The following SCPEP1 variants were observed in gnomAD, a reference collection of about 807,000 sequenced individuals.
The protein encoded by SCPEP1 is serine carboxypeptidase 1, also known as retinoid-inducible serine carboxypeptidase.
SCPEP1 carries 51 observed loss-of-function variants against 63.8 expected under a neutral mutation model. The ratio of observed to expected loss-of-function variants is 0.80; its 90% confidence interval spans 0.64 to 1.01. SCPEP1 has a LOEUF of 1.01. Among genes scored for constraint, SCPEP1 ranks in the 50% least tolerant of loss-of-function variants. The pLI is 0.00. For missense variants in SCPEP1, 499 were observed against 554.9 expected (o/e 0.90, Z 1.01); for synonymous variants, 204 against 207.8 (o/e 0.98, Z 0.16).
intron 3 of SCPEP1, among the ~76,000 whole-genome samples, chr17:56,985,893 C>T (rs1911201772): frequency 6.6e-6 from 1 of 152,060 alleles, no homozygotes; most frequent in African/African-American, 2.4e-5. Flanking sequence ...GCCCTTCTCA[C>T]ACCTCCCCCT....
intron 1 of SCPEP1, among the ~76,000 whole-genome samples, chr17:56,979,515 G>T (rs1911008693): frequency 1.3e-5 from 2 of 151,418 alleles, no homozygotes; most frequent in Non-Finnish European, 1.5e-5. Flanking sequence ...AAAAAAAGAT[G>T]CTATAACTTG....
At chr17:57,004,916 A>G (rs1020157150) in intron 12 of SCPEP1, among the ~76,000 whole-genome samples, 1 of 152,254 alleles carries the variant, frequency 6.6e-6, no homozygotes, top group Non-Finnish European at 1.5e-5. Context: ...AAGAAATACA[A>G]CATACCATTA....
chr17:56,995,364 T>C (rs1473288810), intron 7 of SCPEP1, 143 bp from the exon 8 acceptor site: 7 of 818,788 alleles, frequency 8.5e-6, no homozygotes, highest in Non-Finnish European at 1.2e-5. Context: ...CCAATAAACA[T>C]GTGGCTTGTA....
chr17:56,992,792 G>T (rs779151146), intron 6 of SCPEP1, among the ~76,000 whole-genome samples: 4 of 152,136 alleles, frequency 2.6e-5, no homozygotes, highest in Non-Finnish European at 4.4e-5. Context: ...CAGGCAGCAG[G>T]TACTGGAATC....
At chr17:56,996,718 C>T (rs1231011717) in intron 8 of SCPEP1, among the ~76,000 whole-genome samples, 1 of 151,292 alleles carries the variant, frequency 6.6e-6, no homozygotes, top group Non-Finnish European at 1.5e-5. Flanking sequence ...GGGGTTTCAC[C>T]ATGTTGACCA....
intron 5 of SCPEP1, among the ~76,000 whole-genome samples, chr17:56,990,290 T>C (rs1016147461): frequency 1.3e-5 from 2 of 152,222 alleles, no homozygotes; most frequent in African/African-American, 4.8e-5. Context: ...TAAAAGACTT[T>C]CACATTTCCT....
chr17:57,004,226 A>G (rs528316608), intron 12 of SCPEP1, among the ~76,000 whole-genome samples: 13 of 152,208 alleles, frequency 8.5e-5, no homozygotes, highest in Non-Finnish European at 1.8e-4. Context: ...ACTCTGTCTC[A>G]AAAAAGAACA....
chr17:57,001,971 C>T (rs1430666219), intron 11 of SCPEP1, 47 bp from the exon 12 acceptor site: 7 of 1,574,536 alleles, frequency 4.4e-6, no homozygotes, highest in African/African-American at 2.8e-5. Context: ...TTTTCCTATT[C>T]TATCCAGCTG....
chr17:57,004,096 G>A (rs937016214), intron 12 of SCPEP1, among the ~76,000 whole-genome samples: 2 of 152,194 alleles, frequency 1.3e-5, no homozygotes, highest in East Asian at 3.8e-4. Context: ...CTACTCAGGA[G>A]GCTGAGGCAG....
intron 3 of SCPEP1, among the ~76,000 whole-genome samples, chr17:56,985,717 A>C (rs1911195423): frequency 6.6e-6 from 1 of 152,038 alleles, no homozygotes; most frequent in Non-Finnish European, 1.5e-5. Flanking sequence ...AGCTGCCTTC[A>C]AAAACCTACT....
intron 5 of SCPEP1, among the ~76,000 whole-genome samples, chr17:56,989,913 C>CT (rs1313735891): frequency 2.6e-5 from 4 of 151,732 alleles, no homozygotes; most frequent in Admixed American, 6.6e-5. Flanking sequence ...CGCCTCTAGT[C>CT]TGGGTGACAG....
intron 2 of SCPEP1, 155 bp from the exon 3 acceptor site, chr17:56,985,223 A>G: frequency 1.6e-6 from 1 of 636,822 alleles, no homozygotes; most frequent in South Asian, 1.9e-5. Context: ...AGCTTTGCTA[A>G]TGTGGAAGTC....
At chr17:56,986,739 A>C (rs886681627) in intron 3 of SCPEP1, among the ~76,000 whole-genome samples, 1 of 146,292 alleles carries the variant, frequency 6.8e-6, no homozygotes, top group Admixed American at 6.9e-5. Flanking sequence ...TAGAGGTGGG[A>C]TTTCACCATG....
chr17:56,995,033 A>C lies in SCPEP1; in HGVS notation c.657+15A>C. ...TGTACAGCATGGTAAGTAGATACAC[A>C]TCTGCACCCTCTGGGCAAACAGCCC... On this transcript the variant is annotated intron_variant, in intron 7 of 12. Coordinates refer to ENST00000262288, the MANE Select transcript of SCPEP1 (RefSeq NM_021626.3). 1 of 1,610,266 alleles carries C rather than the reference A, an allele frequency of 6.2e-7. No individual in the cohort carries two copies. The highest frequency in any genetic ancestry group is 2.2e-5 in the East Asian group (1 of 44,864).
intron 6 of SCPEP1, among the ~76,000 whole-genome samples, chr17:56,993,882 G>A (rs979978449): frequency 2.6e-5 from 4 of 152,178 alleles, no homozygotes; most frequent in African/African-American, 9.7e-5. Flanking sequence ...ACCAGTCTCT[G>A]GCCCAGATCA....
Position 57,006,366 on chromosome 17 carries a change from T to G in SCPEP1, c.*131T>G. On this transcript the variant is annotated 3_prime_UTR_variant, in exon 13 of 13. Transcript: ENST00000262288. ...TGTGATCAAGAAGGTTCTGACCAGC[T>G]TCTGCAGAGGATAAAATCATTGTCT... 4 of 541,696 alleles carry G rather than the reference T, an allele frequency of 7.4e-6. No homozygotes were observed. Among genetic ancestry groups the G allele is most frequent in the Non-Finnish European group, 1.3e-5 (4 of 316,112 alleles). The allele number at this position is 541,696 out of a possible 1,614,324, so 33.6% of individuals were successfully genotyped here.
intron 3 of SCPEP1, among the ~76,000 whole-genome samples, chr17:56,986,056 C>A (rs1911206102): frequency 6.6e-6 from 1 of 152,058 alleles, no homozygotes; most frequent in African/African-American, 2.4e-5. Context: ...AACTGCACAC[C>A]CACCCTGGGG....
At chr17:56,978,706 G>C (rs954731840) in intron 1 of SCPEP1, among the ~76,000 whole-genome samples, 29 of 152,082 alleles carry the variant, frequency 1.9e-4, no homozygotes, top group African/African-American at 7.0e-4. Flanking sequence ...CCCCCACAGC[G>C]ATCTTTTTTG....
At chr17:56,997,698 C>A (rs1223503380) in intron 9 of SCPEP1, among the ~76,000 whole-genome samples, 1 of 151,986 alleles carries the variant, frequency 6.6e-6, no homozygotes, top group African/African-American at 2.4e-5. Flanking sequence ...AGCATTATTT[C>A]CCTTCCCACC....
Sources: gnomAD v4.1 joint callset for allele counts (sites outside exome capture counted in the v4.1 genomes callset) on GRCh38, gnomAD v4.1.1 for gene constraint, MANE v1.5 for transcripts, NCBI Gene and HGNC (gene_info 2026-07-23, HGNC 2026-07-21) for gene names.